Variants in CSNK1A1 observed in about 807,000 individuals in gnomAD.
The protein encoded by CSNK1A1 is casein kinase I isoform alpha.
A neutral mutation model predicts 46.1 loss-of-function variants in CSNK1A1; 7 were observed. The ratio of observed to expected loss-of-function variants is 0.15; its 90% CI spans 0.09 to 0.29. The LOEUF is 0.29. CSNK1A1 is among the 10% of genes least tolerant of loss of function. CSNK1A1 has a pLI of 1.00. For missense variants in CSNK1A1, 96 were observed against 417.1 expected (o/e 0.23, Z 6.71); for synonymous variants, 137 against 141.5 (o/e 0.97, Z 0.23).
chr5:149,541,056 G>C (rs1463610624), intron 2 of CSNK1A1, among the ~76,000 whole-genome samples: 2 of 151,572 alleles, frequency 1.3e-5, no homozygotes, highest in Non-Finnish European at 2.9e-5. Context: ...CTCTGGCCTG[G>C]GCAACAGAGC....
At chr5:149,507,767 C>T (rs1341267653) in intron 7 of CSNK1A1, among the ~76,000 whole-genome samples, 1 of 152,146 alleles carries the variant, frequency 6.6e-6, no homozygotes, top group Admixed American at 6.6e-5. Context: ...GCCACCATGC[C>T]CAGCCTTCAG....
At chr5:149,532,769 T>C (rs924718251) in intron 2 of CSNK1A1, among the ~76,000 whole-genome samples, 101 of 152,198 alleles carry the variant, frequency 6.6e-4, no homozygotes, top group African/African-American at 2.4e-3. Flanking sequence ...TACTTACACT[T>C]AAAATCAAAA....
chr5:149,522,925 G>C (rs1018209907), intron 3 of CSNK1A1, among the ~76,000 whole-genome samples: 4 of 152,014 alleles, frequency 2.6e-5, no homozygotes, highest in African/African-American at 9.7e-5. Context: ...AAGTACAGTG[G>C]TAGGCTCTCA....
chr5:149,502,502 C>T (rs971273943), intron 9 of CSNK1A1: 1 of 167,384 alleles, frequency 6.0e-6, no homozygotes, highest in African/African-American at 4.3e-5. Flanking sequence ...CACTACTGCG[C>T]CTGGCGCTTT....
chr5:149,527,417 C>T (rs1761757470), intron 2 of CSNK1A1, among the ~76,000 whole-genome samples: 1 of 152,198 alleles, frequency 6.6e-6, no homozygotes, highest in Non-Finnish European at 1.5e-5. Context: ...TGAGCCACCA[C>T]ACCCGGCCAG....
At chr5:149,518,021 T>C (rs1415365682) in intron 4 of CSNK1A1, 1 of 534,408 alleles carries the variant, frequency 1.9e-6, no homozygotes, top group East Asian at 3.0e-5. Context: ...CACTGTAGCT[T>C]CTCAGTTTTC....
intron 9 of CSNK1A1, chr5:149,502,077 A>C (rs899967781): frequency 2.3e-5 from 23 of 984,140 alleles, no homozygotes; most frequent in Non-Finnish European, 2.8e-5. Context: ...CCTATTATTT[A>C]ATAGGCCCAC....
chr5:149,506,873 G>C (rs1452095238), intron 8 of CSNK1A1, among the ~76,000 whole-genome samples, 154 bp downstream of exon 8: 2 of 152,120 alleles, frequency 1.3e-5, no homozygotes, highest in African/African-American at 4.8e-5. Context: ...ATAGAAAAAT[G>C]CCAAATTAGT....
chr5:149,509,899 G>A lies in CSNK1A1; in HGVS notation c.730C>T (p.Pro244Ser). 6.2e-7 allele frequency: 1 copy of A among 1,610,380 alleles called. No homozygotes were observed. Among genetic ancestry groups the A allele is most frequent in the Non-Finnish European group, 8.5e-7 (1 of 1,178,156 alleles). Reference sequence around the variant, plus strand: ...CTTACCTTACATAAAACTTCAACAGGCGTGGACATCTTCTTTTCACTAATC... The same window carrying A: ...CTTACCTTACATAAAACTTCAACAGACGTGGACATCTTCTTTTCACTAATC... Reference protein sequence around the residue: ...EKISEKKMSTPVEVLCKGFPA... With the variant: ...EKISEKKMSTSVEVLCKGFPA... Residue 244 changes from proline to serine, a missense_variant, in exon 7 of 10, where the codon CCT becomes TCT. By Grantham distance (74) the Pro-to-Ser change is moderately conservative. Coordinates refer to ENST00000377843, the MANE Select transcript of CSNK1A1 (RefSeq NM_001892.6).
chr5:149,509,990 T>A (rs778781312), intron 6 of CSNK1A1, 37 bp from the exon 7 acceptor site: 1 of 1,420,974 alleles, frequency 7.0e-7, no homozygotes, highest in South Asian at 1.2e-5. Flanking sequence ...ATATACTCAG[T>A]GCTACTGAGA....
chr5:149,517,061 T>C lies in CSNK1A1; in HGVS notation c.456+3229A>G, dbSNP rs1274391246. On this transcript the variant is annotated intron_variant, in intron 4 of 9. Coordinates refer to ENST00000377843, the MANE Select transcript of CSNK1A1 (RefSeq NM_001892.6). The surrounding 1 kb of genome is among the most constrained non-coding windows in gnomAD (Gnocchi z 4.4). ...TAACTTCAACAAAAGTGTAACAAAA[T>C]ATGAAGAGTTCTACTTACAAATTTA... Among the ~76,000 whole-genome samples the C allele has an allele frequency of 6.6e-6, 1 of 152,192 alleles. No individual in the cohort carries two copies. The highest frequency in any genetic ancestry group is 2.4e-5 in the African/African-American group (1 of 41,460).
chr5:149,530,929 G>A (rs1761873265), intron 2 of CSNK1A1, among the ~76,000 whole-genome samples: 1 of 132,848 alleles, frequency 7.5e-6, no homozygotes, highest in Non-Finnish European at 1.5e-5. Flanking sequence ...TCTCGCCATT[G>A]CACTCCAGCC....
At chr5:149,504,584 T>C in intron 9 of CSNK1A1, 8 of 985,412 alleles carry the variant, frequency 8.1e-6, no homozygotes, top group Non-Finnish European at 9.6e-6. Flanking sequence ...AGCAACAGTG[T>C]GCCCTAACAG....
chr5:149,504,509 T>A, intron 9 of CSNK1A1: 1 of 985,378 alleles, frequency 1.0e-6, no homozygotes, highest in African/African-American at 1.7e-5. Flanking sequence ...TAAGCAGGTA[T>A]CAGGAGGTAA....
At position 149,545,394 on chromosome 5, in the gene CSNK1A1, C is replaced by G. The variant is rs993332800; in HGVS notation, c.230+4681G>C. 2.7e-5 allele frequency: 13 copies of G among 483,824 alleles called. No homozygotes were observed. The South Asian group carries it at 3.8e-4, about 14-fold the overall frequency. The allele number at this position is 483,824 out of a possible 1,614,324, so 30.0% of individuals were successfully genotyped here. ...GCAGACAGAGATACCTACTCCGAAG[C>G]CTTTGTAGGGGCCTGAGAGCCTTTG... On this transcript the variant is annotated intron_variant, in intron 2 of 9. Coordinates refer to ENST00000377843, the MANE Select transcript of CSNK1A1 (RefSeq NM_001892.6).
rs1481400654 is a variant in CSNK1A1, at chr5:149,498,235, T to TG, written c.1007-1376_1007-1375insC. ...CTTATGCATATATGCCCCTTTTTTT[T>TG]TTTGGGAAATAATAGCGAACATACA... On this transcript the variant is annotated intron_variant, in intron 9 of 9. Coordinates refer to ENST00000377843, the MANE Select transcript of CSNK1A1 (RefSeq NM_001892.6). 3.5e-5 allele frequency: 34 copies of TG among 985,174 alleles called. No individual in the cohort carries two copies. In the East Asian group the frequency reaches 5.7e-4, roughly 16 times the overall value. The allele number at this position is 985,174 out of a possible 1,614,324, so 61.0% of individuals were successfully genotyped here. A position where few individuals can be genotyped will look rare whatever the true frequency, so the allele number is the denominator to read the frequency against.
Position 149,551,135 on chromosome 5 carries a change from A to G in CSNK1A1, c.-171T>C, listed in dbSNP as rs1007061807. The stretch of plus-strand genomic sequence containing the variant: ...AGAATCAGCAGAGGGGAACCTGATC[A>G]CCGCCGCTCAGTCAGGTTTCTTTTT... On this transcript the variant is annotated 5_prime_UTR_variant, in exon 1 of 10. Coordinates refer to ENST00000377843, the MANE Select transcript of CSNK1A1 (RefSeq NM_001892.6). The G allele has an allele frequency of 6.1e-5, 35 of 575,722 alleles. 1 individual carries two copies. Among genetic ancestry groups the G allele is most frequent in the East Asian group, 6.3e-5 (2 of 31,714 alleles). 35.7% of individuals were successfully genotyped at this position (575,722 alleles called of 1,614,324 possible).
At chr5:149,545,894 C>CTT (rs201438979) in intron 2 of CSNK1A1, 133 of 233,568 alleles carry the variant, frequency 5.7e-4, no homozygotes, top group East Asian at 2.1e-3. Context: ...CTTATCCTTG[C>CTT]TTTTTTTTTT....
chr5:149,522,369 C>T (rs1761600277), intron 3 of CSNK1A1, among the ~76,000 whole-genome samples: 1 of 152,194 alleles, frequency 6.6e-6, no homozygotes, highest in Non-Finnish European at 1.5e-5. Context: ...CTTCTGCCTC[C>T]CAAAGTGCTG....
Sources: gnomAD v4.1 joint callset for allele counts (sites outside exome capture counted in the v4.1 genomes callset) on GRCh38, gnomAD v4.1.1 for gene constraint, Gnocchi (gnomAD v3.1) non-coding constraint, MANE v1.5 for transcripts, NCBI Gene and HGNC (gene_info 2026-07-23, HGNC 2026-07-21) for gene names.